The following NEGR1 variants were observed in gnomAD, a reference collection of about 807,000 sequenced individuals.
NEGR1 encodes neuronal growth regulator 1.
NEGR1 carries 10 observed loss-of-function variants against 40.9 expected under a neutral mutation model. The observed-to-expected ratio is 0.24, with a 90% CI of 0.15 to 0.42. The LOEUF (loss-of-function observed/expected upper bound fraction) is 0.42, where lower values mean the gene tolerates loss of function less well. Among genes scored for constraint, NEGR1 ranks in the 10% least tolerant of loss-of-function variants. The probability of loss-of-function intolerance (pLI) is 1.00; values close to 1 mark genes in which losing one functional copy is unlikely to be tolerated. For synonymous variants in NEGR1, 185 were observed against 166.8 expected, an observed-to-expected ratio of 1.11 and a Z score of -0.84; for missense variants, 352 against 438.9, an observed-to-expected ratio of 0.80 and a Z score of 1.77.
chr1:71,963,091 AT>A (rs36031544), intron 1 of NEGR1, among the ~76,000 whole-genome samples: 29 of 151,230 alleles, frequency 1.9e-4, no homozygotes, highest in African/African-American at 4.6e-4. Flanking sequence ...ATCGATATCT[AT>A]TTTTTTTTAA....
intron 3 of NEGR1, among the ~76,000 whole-genome samples, chr1:71,750,660 A>T (rs1655541438): frequency 6.6e-6 from 1 of 152,132 alleles, no homozygotes; most frequent in South Asian, 2.1e-4. Context: ...CACCCCCATG[A>T]TTCAATTACC....
At chr1:72,216,073 C>T (rs758784173) in intron 1 of NEGR1, among the ~76,000 whole-genome samples, 3 of 151,522 alleles carry the variant, frequency 2.0e-5, no homozygotes, top group Non-Finnish European at 2.9e-5. Context: ...ATGGATGAAG[C>T]TGGAAGCCAT....
intron 6 of NEGR1, among the ~76,000 whole-genome samples, chr1:71,494,604 T>G (rs1399904719): frequency 6.6e-6 from 1 of 152,130 alleles, no homozygotes; most frequent in African/African-American, 2.4e-5. Flanking sequence ...GTTTAGTCAT[T>G]AGAGTCCTTT....
At chr1:71,440,382 T>A (rs1646539252) in intron 6 of NEGR1, among the ~76,000 whole-genome samples, 1 of 152,236 alleles carries the variant, frequency 6.6e-6, no homozygotes, top group African/African-American at 2.4e-5. Flanking sequence ...GTAATTGCTA[T>A]TTGATGAATA....
chr1:72,085,968 C>CAAAAAA (rs36028456), intron 1 of NEGR1, among the ~76,000 whole-genome samples: 1 of 63,058 alleles, frequency 1.6e-5, no homozygotes, highest in African/African-American at 5.6e-5. Flanking sequence ...GACTCTGTCT[C>CAAAAAA]AAAAAAAAAA....
intron 2 of NEGR1, among the ~76,000 whole-genome samples, chr1:71,844,064 A>T (rs1659326415): frequency 6.6e-6 from 1 of 152,130 alleles, no homozygotes; most frequent in African/African-American, 2.4e-5. Context: ...GTCACATCCA[A>T]TTGCCACCCT....
chr1:72,140,252 T>TTGC (rs1169871378), intron 1 of NEGR1, among the ~76,000 whole-genome samples: 1 of 151,718 alleles, frequency 6.6e-6, no homozygotes, highest in East Asian at 1.9e-4. Context: ...GTTGTTGTTG[T>TTGC]TACAGTTGTT....
chr1:72,019,058 A>C (rs1200394537), intron 1 of NEGR1, among the ~76,000 whole-genome samples: 2 of 152,154 alleles, frequency 1.3e-5, no homozygotes, highest in East Asian at 3.9e-4. Context: ...TTTTGGTGTT[A>C]AGAGAATATG....
intron 1 of NEGR1, among the ~76,000 whole-genome samples, chr1:72,136,462 A>T (rs1197581387): frequency 6.6e-6 from 1 of 151,920 alleles, no homozygotes; most frequent in Non-Finnish European, 1.5e-5. Context: ...CTTGGGAACA[A>T]CTTCAACAGC....
intron 1 of NEGR1, among the ~76,000 whole-genome samples, chr1:72,158,543 C>G (rs1174066580): frequency 2.6e-5 from 4 of 152,182 alleles, no homozygotes; most frequent in Admixed American, 2.0e-4. Flanking sequence ...CTCCACTCAA[C>G]AGATCACTCA....
At chr1:71,842,645 G>C (rs1349037310) in intron 2 of NEGR1, among the ~76,000 whole-genome samples, 2 of 152,114 alleles carry the variant, frequency 1.3e-5, no homozygotes, top group African/African-American at 4.8e-5. Flanking sequence ...TGCAGATTTT[G>C]TGTGAAAGGA....
chr1:71,836,035 C>T (rs777881540), intron 2 of NEGR1, among the ~76,000 whole-genome samples: 1 of 152,008 alleles, frequency 6.6e-6, no homozygotes, highest in Non-Finnish European at 1.5e-5. Flanking sequence ...CAAGGCAAAG[C>T]TATTGCAGGG....
chr1:71,965,283 C>A (rs1430180163), intron 1 of NEGR1, among the ~76,000 whole-genome samples: 1 of 152,126 alleles, frequency 6.6e-6, no homozygotes, highest in African/African-American at 2.4e-5. Flanking sequence ...GGAATAAAAC[C>A]TGAAAACACT....
intron 1 of NEGR1, among the ~76,000 whole-genome samples, chr1:72,131,397 G>A (rs928588401): frequency 3.9e-5 from 6 of 152,114 alleles, no homozygotes; most frequent in African/African-American, 1.4e-4. Flanking sequence ...AACAAACAAT[G>A]TACAAATTAA....
chr1:72,266,692 CAA>C (rs1208987742), intron 1 of NEGR1, among the ~76,000 whole-genome samples: 37 of 140,074 alleles, frequency 2.6e-4, no homozygotes, highest in Admixed American at 1.9e-3. Flanking sequence ...AAAAATGTAC[CAA>C]GTGTGTGTGT....
At chr1:71,535,222 C>T (rs72938087) in intron 6 of NEGR1, among the ~76,000 whole-genome samples, 196 of 151,604 alleles carry the variant, frequency 1.3e-3, no homozygotes, top group African/African-American at 4.5e-3. Flanking sequence ...TTCTATGTTC[C>T]GTAACTTGGA....
intron 6 of NEGR1, among the ~76,000 whole-genome samples, chr1:71,523,572 A>G: frequency 6.6e-6 from 1 of 152,002 alleles, no homozygotes; most frequent in Non-Finnish European, 1.5e-5. Context: ...AAACAATGGG[A>G]TAAAGATGCA....
In NEGR1 at chr1:72,223,333, G is replaced by A. The variant is rs78358213; in HGVS notation, c.176+58986C>T. Among the ~76,000 whole-genome samples the A allele has an allele frequency of 8.4e-3, 1,284 of 152,264 alleles. 19 individuals carry two copies. The highest frequency in any genetic ancestry group is 0.029 in the African/African-American group (1,222 of 41,554). The stretch of plus-strand genomic sequence containing the variant: ...TCCAATCGCTTAATATAAGCAAACT[G>A]AGCCCCCAAAATTGTGCTTTGCACA... On this transcript the variant is annotated intron_variant, in intron 1 of 6. Coordinates refer to ENST00000357731, the MANE Select transcript of NEGR1 (RefSeq NM_173808.3).
intron 1 of NEGR1, among the ~76,000 whole-genome samples, chr1:72,152,181 A>G (rs1349876300): frequency 1.3e-5 from 2 of 151,930 alleles, no homozygotes; most frequent in African/African-American, 4.8e-5. Context: ...CCATAATCTA[A>G]TTAAATTAAA....
Sources: allele counts gnomAD v4.1 joint callset (sites outside exome capture counted in the v4.1 genomes callset), GRCh38; gene constraint gnomAD v4.1.1; transcripts MANE v1.5; gene names NCBI Gene and HGNC (gene_info 2026-07-23, HGNC 2026-07-21).